Variants in PRAG1 observed in about 807,000 individuals in gnomAD.
The protein encoded by PRAG1 is PEAK1 related, kinase-activating pseudokinase 1, also known as inactive tyrosine-protein kinase PRAG1.
In PRAG1, 110 loss-of-function variants were observed where a neutral mutation model predicts 95.6. That is an observed-to-expected ratio of 1.15 (90% confidence interval 0.99 to 1.35). The LOEUF (loss-of-function observed/expected upper bound fraction) is 1.35, where lower values mean the gene tolerates loss of function less well. PRAG1 is among the 40% of genes most tolerant of loss of function. PRAG1 has a pLI of 0.00. For synonymous variants in PRAG1, 1,052 were observed against 819.4 expected, an observed-to-expected ratio of 1.28 and a Z score of -4.85; for missense variants, 2,554 against 1,864.7, an observed-to-expected ratio of 1.37 and a Z score of -6.81.
chr8:8,319,061 C>T lies in PRAG1; in HGVS notation c.3314G>A (p.Arg1105Gln), dbSNP rs373560991. 16 of 1,612,152 alleles carry T rather than the reference C, an allele frequency of 9.9e-6. No homozygotes were observed. In the Middle Eastern group the frequency reaches 5.0e-4, roughly 50 times the overall value. ...VPHQTASDFV[R>Q]DSAASHQAEP... ...CGCCTGGTGGCTGGCCGCCGAGTCC[C>T]GCACGAAGTCGGAGGCGGTCTGATG... Residue 1105 changes from arginine (R) to glutamine (Q), a missense_variant, in exon 6 of 6, where the codon CGG becomes CAG. Physicochemically the swap from Arg to Gln is conservative, Grantham distance 43 (BLOSUM62 1). Transcript: ENST00000615670.
intron 4 of PRAG1, among the ~76,000 whole-genome samples, chr8:8,337,591 T>C (rs979656020): frequency 1.3e-5 from 2 of 152,180 alleles, no homozygotes; most frequent in Non-Finnish European, 2.9e-5. Flanking sequence ...GATAGAATGG[T>C]TGGCTCTCAG....
At position 8,327,860 on chromosome 8, in the gene PRAG1, GA is replaced by G; in HGVS notation, c.2921del (p.Phe974SerfsTer21). ...ARLVAKCEDL[F>X]MGGQKKELHF... ...GGAGCTCCTTTTTCTGGCCGCCCAT[GA>G]AGAGGTCCTCACATTTGGCTACAAG... On this transcript the variant is annotated frameshift_variant, in exon 5 of 6. Coordinates refer to ENST00000615670, the MANE Select transcript of PRAG1 (RefSeq NM_001080826.3). LOFTEE classifies it high-confidence loss of function. The G allele has an allele frequency of 1.2e-5, 19 of 1,614,226 alleles. No homozygotes were observed. The highest frequency in any genetic ancestry group is 1.6e-5 in the Non-Finnish European group (19 of 1,180,038).
intron 3 of PRAG1, among the ~76,000 whole-genome samples, chr8:8,355,883 C>T (rs139101991): frequency 7.9e-5 from 12 of 152,056 alleles, no homozygotes; most frequent in South Asian, 4.2e-4. Context: ...TTTTGGATAT[C>T]GCACCAAAAG....
chr8:8,368,177 C>G (rs1800074677), intron 3 of PRAG1, among the ~76,000 whole-genome samples: 1 of 152,190 alleles, frequency 6.6e-6, no homozygotes, highest in Admixed American at 6.5e-5. Flanking sequence ...GATAGGTATA[C>G]TGGAGAGAAA....
chr8:8,341,718 G>C (rs1034321258), intron 3 of PRAG1, among the ~76,000 whole-genome samples: 1 of 152,160 alleles, frequency 6.6e-6, no homozygotes, highest in African/African-American at 2.4e-5. Context: ...CACATTGCTG[G>C]ATTCAGTTTT....
At chr8:8,379,775 T>G (rs1480745781) in intron 2 of PRAG1, among the ~76,000 whole-genome samples, 1 of 152,260 alleles carries the variant, frequency 6.6e-6, no homozygotes, top group Non-Finnish European at 1.5e-5. Flanking sequence ...ACCCGGGCTA[T>G]GTGCCCTCTG....
chr8:8,339,531 G>C lies in PRAG1; in HGVS notation c.2267C>G (p.Thr756Ser). Reference sequence around the variant, plus strand: ...GGCCAGGCTGTCCGTGGAGCCGGTGGTGAAGCTGACGTGGACACCCCTGAA... The same window carrying C: ...GGCCAGGCTGTCCGTGGAGCCGGTGCTGAAGCTGACGTGGACACCCCTGAA... ...PSFRGVHVSF[T>S]TGSTDSLASD... Residue 756 changes from threonine (T) to serine (S), a missense_variant, in exon 4 of 6, where the codon ACC becomes AGC. Transcript: ENST00000615670. The C allele has an allele frequency of 6.2e-7, 1 of 1,614,216 alleles. No homozygotes were observed. Among genetic ancestry groups the C allele is most frequent in the East Asian group, 2.2e-5 (1 of 44,880 alleles).
At chr8:8,345,720 G>A (rs927555071) in intron 3 of PRAG1, among the ~76,000 whole-genome samples, 2 of 152,260 alleles carry the variant, frequency 1.3e-5, no homozygotes, top group Admixed American at 6.5e-5. Flanking sequence ...GCTCAAACCC[G>A]GGAGGCGGAG....
At chr8:8,364,834 G>C (rs190406073) in intron 3 of PRAG1, among the ~76,000 whole-genome samples, 15 of 152,102 alleles carry the variant, frequency 9.9e-5, no homozygotes, top group East Asian at 9.7e-4. Flanking sequence ...TGAACTGTAA[G>C]GATCTTCTCT....
chr8:8,375,334 G>C (rs977345256), intron 3 of PRAG1, among the ~76,000 whole-genome samples: 7 of 151,988 alleles, frequency 4.6e-5, no homozygotes, highest in African/African-American at 1.7e-4. Flanking sequence ...CTCCCCAGTA[G>C]CTGGGACTAC....
At chr8:8,386,019 A>T (rs1585290453) in intron 1 of PRAG1, among the ~76,000 whole-genome samples, 2 of 152,318 alleles carry the variant, frequency 1.3e-5, no homozygotes, top group African/African-American at 4.8e-5. Context: ...CAGAGAAACC[A>T]TCCTAACAGT....
chr8:8,326,813 A>G (rs1563227496), intron 5 of PRAG1, among the ~76,000 whole-genome samples: 2 of 152,254 alleles, frequency 1.3e-5, no homozygotes, highest in Admixed American at 6.5e-5. Flanking sequence ...AGCTATGGGC[A>G]AATTACTTAA....
At chr8:8,329,290 G>C (rs1449798253) in intron 4 of PRAG1, among the ~76,000 whole-genome samples, 2 of 152,072 alleles carry the variant, frequency 1.3e-5, no homozygotes, top group Admixed American at 6.5e-5. Context: ...CGACTAAGGA[G>C]TCTGAGGCAG....
At position 8,371,410 on chromosome 8, in the gene PRAG1, G is replaced by A. The variant is rs147839071; in HGVS notation, c.2162+4837C>T. Among the ~76,000 whole-genome samples, 841 of 151,868 alleles carry A rather than the reference G, an allele frequency of 5.5e-3. 12 individuals are homozygous for A. Among genetic ancestry groups the A allele is most frequent in the African/African-American group, 0.019 (800 of 41,516 alleles). On this transcript the variant is annotated intron_variant, in intron 3 of 5. Transcript: ENST00000615670. ...CGAGTAGCTGGGACTACTGGCGCCC[G>A]CCATCACGCCTGGCTAATTTTTTGT...
intron 5 of PRAG1, among the ~76,000 whole-genome samples, chr8:8,323,320 CCTT>C (rs535688582): frequency 0.016 from 1,827 of 114,056 alleles, 23 homozygotes; most frequent in Non-Finnish European, 0.024. Context: ...CTTTTCCCTC[CCTT>C]TTTTTTTTTT....
rs1798737033 is a variant in PRAG1 at position 8,328,999 on chromosome 8, A to T, written c.2321-538T>A. Among the ~76,000 whole-genome samples the T allele has an allele frequency of 2.6e-5, 4 of 152,238 alleles. No individual in the cohort carries two copies. The South Asian group carries it at 8.3e-4, about 32-fold the overall frequency. On this transcript the variant is annotated intron_variant, in intron 4 of 5. Transcript: ENST00000615670. ...ACTTAAATTGTTTCCAATATTTTGC[A>T]AACAATGCTGCAACAGCAATAACAA...
In PRAG1 at chr8:8,318,958, G is replaced by A. The variant is rs1296535215; in HGVS notation, c.3417C>T (p.His1139=). 2 of 1,613,108 alleles carry A rather than the reference G, an allele frequency of 1.2e-6. No homozygotes were observed. Among genetic ancestry groups the A allele is most frequent in the Non-Finnish European group, 8.5e-7 (1 of 1,179,702 alleles). ...LCNGLEHLKE[H]GIIHRDLCLE... ...GGCACAGGTCCCGGTGGATGATCCC[G>A]TGCTCCTTCAGGTGCTCCAGCCCGT... is the stretch of plus-strand genomic sequence containing the variant. The change falls in exon 6 of 6, where the codon CAC becomes CAT. Residue 1139 remains histidine, a synonymous_variant. Coordinates refer to ENST00000615670, the MANE Select transcript of PRAG1 (RefSeq NM_001080826.3). The surrounding 1 kb of genome is among the most constrained non-coding windows in gnomAD (Gnocchi z 4.2).
chr8:8,378,715 G>C (rs1800524240), intron 2 of PRAG1, among the ~76,000 whole-genome samples: 1 of 151,964 alleles, frequency 6.6e-6, no homozygotes, highest in Non-Finnish European at 1.5e-5. Context: ...ACAAAAACTT[G>C]GTGGGCGTGG....
At chr8:8,363,686 G>T (rs548148566) in intron 3 of PRAG1, among the ~76,000 whole-genome samples, 1 of 152,142 alleles carries the variant, frequency 6.6e-6, no homozygotes, top group South Asian at 2.1e-4. Flanking sequence ...ACTTTAAAAT[G>T]GTTACGATGG....
Sources: gnomAD v4.1 joint callset for allele counts (sites outside exome capture counted in the v4.1 genomes callset) on GRCh38, gnomAD v4.1.1 for gene constraint, Gnocchi (gnomAD v3.1) non-coding constraint, MANE v1.5 for transcripts, NCBI Gene and HGNC (gene_info 2026-07-23, HGNC 2026-07-21) for gene names.